Variants in SPOCD1 observed in about 807,000 individuals in gnomAD.
SPOCD1 encodes the protein SPOC domain-containing protein 1.
SPOCD1 carries 64 observed loss-of-function variants against 92.2 expected under a neutral mutation model. That is an observed-to-expected ratio of 0.69 (90% CI 0.57 to 0.86). The LOEUF is 0.86. Among genes scored for constraint, SPOCD1 ranks in the 40% least tolerant of loss-of-function variants. The pLI is 0.00. For synonymous variants in SPOCD1, 578 were observed against 619.3 expected, an observed-to-expected ratio of 0.93 and a Z score of 0.99; for missense variants, 1,360 against 1,543.1, an observed-to-expected ratio of 0.88 and a Z score of 1.99.
intron 2 of SPOCD1, among the ~76,000 whole-genome samples, chr1:31,806,638 G>A (rs4949480): frequency 2.0e-5 from 3 of 151,326 alleles, no homozygotes; most frequent in East Asian, 3.9e-4. Flanking sequence ...CTCCGCCCCC[G>A]AGGTTCAAGC....
chr1:31,812,654 A>C (rs1649277993), intron 2 of SPOCD1, among the ~76,000 whole-genome samples: 2 of 152,228 alleles, frequency 1.3e-5, no homozygotes, highest in Non-Finnish European at 2.9e-5. Flanking sequence ...GGTATATGTC[A>C]ATAGAGTCTA....
Position 31,790,895 on chromosome 1 carries a change from G to T in SPOCD1, c.3359C>A (p.Ser1120Tyr). 1 of 1,584,286 alleles carries T rather than the reference G, an allele frequency of 6.3e-7. No homozygotes were observed. The highest frequency in any genetic ancestry group is 1.7e-4 in the Middle Eastern group (1 of 5,890). ...TGGTGCTACTGAATAGGGATGCTGG[G>T]ACTGGCGCAAGCCTGGCTCTGGGGG... Reference protein sequence around the residue: ...QWPPEPGLRQSQHPYSVAPAG... With the variant: ...QWPPEPGLRQYQHPYSVAPAG... The change falls in exon 16 of 16, where the codon TCC (serine) becomes TAC (tyrosine). Residue 1120 changes from serine (S) to tyrosine (Y), a missense_variant. Around this residue, in one of 3 missense-constraint regions of SPOCD1, gnomAD observed 614 missense variants for 757.8 expected, o/e 0.81. Transcript: ENST00000360482.
At chr1:31,803,364 A>G (rs1440003762) in intron 2 of SPOCD1, among the ~76,000 whole-genome samples, 4 of 151,158 alleles carry the variant, frequency 2.6e-5, no homozygotes, top group Admixed American at 6.6e-5. Flanking sequence ...TAGATTTAAT[A>G]GCATATTAGA....
At position 31,814,714 on chromosome 1, in the gene SPOCD1, T is replaced by C. The variant is rs780942859; in HGVS notation, c.620A>G (p.Lys207Arg). Residue 207 changes from lysine to arginine, a missense_variant, in exon 2 of 16, where the codon AAG becomes AGG. Physicochemically the swap from Lys to Arg is conservative, Grantham distance 26. Coordinates refer to ENST00000360482, the MANE Select transcript of SPOCD1 (RefSeq NM_144569.7). The surrounding 1 kb of genome is among the most constrained non-coding windows in gnomAD (Gnocchi z 4.2). The stretch of plus-strand genomic sequence containing the variant: ...ATGAGCCCCTTGCCTCCTCCATTTC[T>C]TTCTTACCCTCACAGGGACTGGGTC... The part of the protein sequence containing the change: ...SPDPVPVRVR[K>R]KWRRQGAHSE... The C allele has an allele frequency of 1.4e-5, 23 of 1,607,762 alleles. No homozygotes were observed. Among genetic ancestry groups the C allele is most frequent in the Admixed American group, 1.4e-4 (8 of 58,460 alleles).
Position 31,800,562 on chromosome 1 carries a change from C to A in SPOCD1, c.1481G>T (p.Gly494Val). 1 of 1,610,856 alleles carries A rather than the reference C, an allele frequency of 6.2e-7. No homozygotes were observed. The highest frequency in any genetic ancestry group is 1.1e-5 in the South Asian group (1 of 90,412). The part of the protein sequence containing the change: ...LLGAISHGQA[G>V]GQLPPKLEVL... ...CTCCAGCTTTGGTGGCAGCTGCCCC[C>A]CTGCCTGGCCGTGGCTGATGGCCCC... is the stretch of plus-strand genomic sequence containing the variant. The change falls in exon 4 of 16, where the codon GGG becomes GTG. Residue 494 changes from glycine (G) to valine (V), a missense_variant. Transcript: ENST00000360482.
intron 10 of SPOCD1, 116 bp downstream of exon 10, chr1:31,796,474 C>T (rs1339295548): frequency 6.6e-7 from 1 of 1,517,646 alleles, no homozygotes. Context: ...TTATCACAAA[C>T]AAGGTGGGCC....
At position 31,814,152 on chromosome 1, in the gene SPOCD1, C is replaced by T; in HGVS notation, c.1182G>A (p.Leu394=). The stretch of plus-strand genomic sequence containing the variant: ...TATCCAGGGAGGAGCTGAGGCCGCC[C>T]AAGGGCTCCCGGGAGCTGGCACAGG... ...ADTCASSREP[L]GGLSSSLDTE... is the part of the protein sequence containing the mutation. Residue 394 remains leucine (L), a synonymous_variant, in exon 2 of 16, where the codon TTG becomes TTA. Coordinates refer to ENST00000360482, the MANE Select transcript of SPOCD1 (RefSeq NM_144569.7). This position sits in a 1 kb window ranked among gnomAD's most constrained non-coding sequence, Gnocchi z 4.2. 1 of 1,585,222 alleles carries T rather than the reference C, an allele frequency of 6.3e-7. No individual in the cohort carries two copies. The highest frequency in any genetic ancestry group is 2.3e-5 in the East Asian group (1 of 44,214).
intron 3 of SPOCD1, among the ~76,000 whole-genome samples, 191 bp from the exon 4 acceptor site, chr1:31,800,808 C>T (rs1431331411): frequency 6.6e-6 from 1 of 152,184 alleles, no homozygotes; most frequent in Non-Finnish European, 1.5e-5. Context: ...ACATAGTGTT[C>T]AGTGAAAGTT....
rs1316897069 is a variant in SPOCD1 at position 31,815,486 on chromosome 1, C to T, written c.-39-114G>A. On this transcript the variant is annotated intron_variant, in intron 1 of 15. Transcript: ENST00000360482. ...GCCAGCTCTCCCAGACCCTTCCACT[C>T]CTGAGGCCTAGGGGTGAGCACTCCA... is the stretch of plus-strand genomic sequence containing the variant. 1.2e-5 allele frequency: 9 copies of T among 722,350 alleles called. No individual in the cohort carries two copies. The South Asian group carries it at 1.9e-4, about 15-fold the overall frequency. 44.7% of individuals were successfully genotyped at this position (722,350 alleles called of 1,614,324 possible). A position where few individuals can be genotyped will look rare whatever the true frequency, so the allele number is the denominator to read the frequency against.
At chr1:31,805,130 C>T (rs1400640219) in intron 2 of SPOCD1, among the ~76,000 whole-genome samples, 5 of 151,566 alleles carry the variant, frequency 3.3e-5, no homozygotes, top group South Asian at 2.1e-4. Context: ...TACAGGCGCC[C>T]GCCACCACAC....
At position 31,814,583 on chromosome 1, in the gene SPOCD1, A is replaced by C; in HGVS notation, c.751T>G (p.Ser251Ala). 2 of 1,526,684 alleles carry C rather than the reference A, an allele frequency of 1.3e-6. No individual in the cohort carries two copies. The highest frequency in any genetic ancestry group is 1.8e-6 in the Non-Finnish European group (2 of 1,137,164). The allele number at this position is 1,526,684 out of a possible 1,614,324, so 94.6% of individuals were successfully genotyped here. The change falls in exon 2 of 16, where the codon TCC (serine) becomes GCC (alanine). Residue 251 changes from serine (S) to alanine (A), a missense_variant. Physicochemically the swap from Ser to Ala is moderately conservative, Grantham distance 99 (BLOSUM62 1). Around this residue, in one of 3 missense-constraint regions of SPOCD1, gnomAD observed 606 missense variants for 601.5 expected, o/e 1.01. Transcript: ENST00000360482. The surrounding 1 kb of genome is among the most constrained non-coding windows in gnomAD (Gnocchi z 4.2). ...GGAGGTCTGCAAGGGCCTCCCAAGG[A>C]CTCCAGGTCAGCAACTTGGGGAGGG... ...GDPPQVADLE[S>A]LGGPCRPPSP... is the part of the protein sequence containing the mutation.
At position 31,790,904 on chromosome 1, in the gene SPOCD1, A is replaced by G; in HGVS notation, c.3350T>C (p.Leu1117Ser). Residue 1117 changes from leucine to serine, a missense_variant, in exon 16 of 16, where the codon TTG (leucine) becomes TCG (serine). Leu to Ser is a moderately radical substitution (Grantham distance 145). Around this residue, in one of 3 missense-constraint regions of SPOCD1, gnomAD observed 614 missense variants for 757.8 expected, o/e 0.81. Coordinates refer to ENST00000360482, the MANE Select transcript of SPOCD1 (RefSeq NM_144569.7). ...GRGQWPPEPG[L>S]RQSQHPYSVA... is the part of the protein sequence containing the mutation. Reference sequence around the variant, plus strand: ...TGAATAGGGATGCTGGGACTGGCGCAAGCCTGGCTCTGGGGGCCACTGCCC... The same window carrying G: ...TGAATAGGGATGCTGGGACTGGCGCGAGCCTGGCTCTGGGGGCCACTGCCC... 6.3e-7 allele frequency: 1 copy of G among 1,585,020 alleles called. No individual in the cohort carries two copies. Among genetic ancestry groups the G allele is most frequent in the Non-Finnish European group, 8.6e-7 (1 of 1,166,146 alleles).
intron 2 of SPOCD1, among the ~76,000 whole-genome samples, chr1:31,809,511 CA>C (rs1268494731): frequency 6.8e-6 from 1 of 146,568 alleles, no homozygotes; most frequent in African/African-American, 2.5e-5. Context: ...ATCACAGCAG[CA>C]CTATATGTAG....
Position 31,815,196 on chromosome 1 carries a change from G to A in SPOCD1, c.138C>T (p.Ser46=), listed in dbSNP as rs1221969040. ...PGLSPDGPGA[S]SGPGVRAGSR... ...TGCCAGCCCTGACTCCGGGCCCAGA[G>A]CTTGCTCCCGGCCCATCTGGTGACA... is the stretch of plus-strand genomic sequence containing the variant. The change falls in exon 2 of 16, where the codon AGC becomes AGT. Residue 46 remains serine (S), a synonymous_variant. Coordinates refer to ENST00000360482, the MANE Select transcript of SPOCD1 (RefSeq NM_144569.7). 6.2e-7 allele frequency: 1 copy of A among 1,608,372 alleles called. No individual in the cohort carries two copies. The highest frequency in any genetic ancestry group is 8.5e-7 in the Non-Finnish European group (1 of 1,175,786).
Position 31,815,367 on chromosome 1 carries a change from C to T in SPOCD1, c.-34G>A, listed in dbSNP as rs767506690. 6 of 1,509,506 alleles carry T rather than the reference C, an allele frequency of 4.0e-6. No individual in the cohort carries two copies. Among genetic ancestry groups the T allele is most frequent in the South Asian group, 1.4e-5 (1 of 73,060 alleles). 93.5% of individuals were successfully genotyped at this position (1,509,506 alleles called of 1,614,324 possible). A position where few individuals can be genotyped will look rare whatever the true frequency, so the allele number is the denominator to read the frequency against. ...ACCTACCTGGGCCAAAAGCACAACA[C>T]GGGCCCTGTGTGGAGACAGAAAGAG... On this transcript the variant is annotated 5_prime_UTR_variant, in exon 2 of 16. In the 5' UTR this introduces an upstream ATG that the reference lacks. Coordinates refer to ENST00000360482, the MANE Select transcript of SPOCD1 (RefSeq NM_144569.7).
intron 12 of SPOCD1, 59 bp downstream of exon 12, chr1:31,793,688 G>A (rs771259628): frequency 6.2e-7 from 1 of 1,611,180 alleles, no homozygotes; most frequent in Non-Finnish European, 8.5e-7. Context: ...GTTGCACCAG[G>A]TGGTGGCCTC....
chr1:31,806,842 C>T (rs1037702757), intron 2 of SPOCD1, among the ~76,000 whole-genome samples: 5 of 152,078 alleles, frequency 3.3e-5, no homozygotes, highest in African/African-American at 7.2e-5. Context: ...CGTGAGGAAC[C>T]GCGCCCAGCC....
intron 2 of SPOCD1, among the ~76,000 whole-genome samples, 196 bp from the exon 3 acceptor site, chr1:31,801,901 C>CCAGGTACA (rs1648493448): frequency 6.6e-6 from 1 of 152,204 alleles, no homozygotes; most frequent in Non-Finnish European, 1.5e-5. Flanking sequence ...GGTGCAGTGG[C>CCAGGTACA]TCACGCATGT....
At chr1:31,793,573 C>T in intron 12 of SPOCD1, 145 bp from the exon 13 acceptor site, 1 of 1,487,834 alleles carries the variant, frequency 6.7e-7, no homozygotes, top group Non-Finnish European at 9.2e-7. Context: ...AGGGGGCTGC[C>T]AGGAGGCTGG....
Sources: gnomAD v4.1 joint callset for allele counts (sites outside exome capture counted in the v4.1 genomes callset) on GRCh38, gnomAD v4.1.1 for gene constraint, gnomAD v4.1.1 regional missense constraint, Gnocchi (gnomAD v3.1) non-coding constraint, MANE v1.5 for transcripts, NCBI Gene and HGNC (gene_info 2026-07-23, HGNC 2026-07-21) for gene names.